RARB: variants seen among roughly 807,000 people sequenced by gnomAD.
RARB encodes the protein HBV-activated protein.
RARB carries 17 observed loss-of-function variants against 51.9 expected under a neutral mutation model. The ratio of observed to expected loss-of-function variants is 0.33; its 90% confidence interval spans 0.22 to 0.49. The LOEUF (loss-of-function observed/expected upper bound fraction) is 0.49, where lower values mean the gene tolerates loss of function less well. Ranked by LOEUF, RARB falls within the 20% of genes least tolerant of loss-of-function variation. RARB has a pLI of 0.99. For synonymous variants in RARB, 215 were observed against 195.4 expected (o/e 1.10, Z -0.84); for missense variants, 369 against 550.8 (o/e 0.67, Z 3.30).
At chr3:24,978,261 T>C (rs1249059492) in intron 2 of RARB, among the ~76,000 whole-genome samples, 1 of 152,174 alleles carries the variant, frequency 6.6e-6, no homozygotes, top group Non-Finnish European at 1.5e-5. Context: ...GGATGACGCT[T>C]GTCTTATAAA....
chr3:24,970,199 T>C (rs568865290), intron 2 of RARB, among the ~76,000 whole-genome samples: 1 of 152,108 alleles, frequency 6.6e-6, no homozygotes, highest in Non-Finnish European at 1.5e-5. Flanking sequence ...GGCCTATGGC[T>C]GTAGCTTACC....
At chr3:25,513,204 T>A (rs961815289) in intron 3 of RARB, among the ~76,000 whole-genome samples, 2 of 151,264 alleles carry the variant, frequency 1.3e-5, no homozygotes, top group African/African-American at 4.9e-5. Flanking sequence ...GGAGAATCGC[T>A]TGGACCTGGG....
rs573092323 is a variant in RARB at position 25,331,988 on chromosome 3, C to T, written c.179-129205C>T. Among the ~76,000 whole-genome samples, 5 of 152,240 alleles carry T rather than the reference C, an allele frequency of 3.3e-5. No homozygotes were observed. The South Asian group carries it at 1.0e-3, about 32-fold the overall frequency. On this transcript the variant is annotated intron_variant, in intron 5 of 11. Coordinates refer to the RARB transcript ENST00000383772. ...AGACTAAACCAGGAAGAATTTGAGT[C>T]CCTGAATAGACCAATAACAGGGTCT...
chr3:25,570,427 G>T (rs1700664233), intron 4 of RARB, among the ~76,000 whole-genome samples: 1 of 152,210 alleles, frequency 6.6e-6, no homozygotes, highest in Non-Finnish European at 1.5e-5. Flanking sequence ...TTTGCCTTCT[G>T]TGAGAGGACA....
intron 2 of RARB, among the ~76,000 whole-genome samples, chr3:25,475,404 G>A (rs189663791): frequency 2.0e-5 from 3 of 151,982 alleles, no homozygotes; most frequent in African/African-American, 4.8e-5. Context: ...ATAACAAAGG[G>A]GGGGGGATCC....
intron 5 of RARB, among the ~76,000 whole-genome samples, chr3:25,397,445 C>T (rs980116487): frequency 5.9e-5 from 9 of 152,192 alleles, no homozygotes; most frequent in African/African-American, 2.2e-4. Context: ...TGAATTCCTT[C>T]AGTTTTTCTG....
chr3:25,148,375 G>T (rs1473204243), intron 4 of RARB, among the ~76,000 whole-genome samples: 1 of 152,166 alleles, frequency 6.6e-6, no homozygotes, highest in Non-Finnish European at 1.5e-5. Context: ...TTTTTAAATG[G>T]TCTCATAAAT....
At chr3:24,860,237 C>G (rs772756524) in intron 2 of RARB, among the ~76,000 whole-genome samples, 1 of 152,104 alleles carries the variant, frequency 6.6e-6, no homozygotes, top group Non-Finnish European at 1.5e-5. Flanking sequence ...AGTCACCTGG[C>G]GCATCTTGGG....
At chr3:25,295,187 G>T (rs1184151486) in intron 5 of RARB, among the ~76,000 whole-genome samples, 5 of 152,176 alleles carry the variant, frequency 3.3e-5, no homozygotes, top group Admixed American at 2.6e-4. Flanking sequence ...CTTTGTGACT[G>T]TTGGGCATTT....
rs139448545 is a variant in RARB, at chr3:24,996,522, C to T, written c.-379-63603C>T. Among the ~76,000 whole-genome samples the T allele has an allele frequency of 3.0e-3, 449 of 151,922 alleles. 3 individuals carry two copies. Among genetic ancestry groups the T allele is most frequent in the African/African-American group, 0.01 (433 of 41,442 alleles). ...AGTTTTGCTTATCCTTGCTTTTCTA[C>T]TTCCTTGAGGTGCATCATTCGGTTG... On this transcript the variant is annotated intron_variant, in intron 2 of 11. Coordinates refer to the RARB transcript ENST00000383772.
intron 3 of RARB, among the ~76,000 whole-genome samples, chr3:25,121,554 G>A (rs1044131275): frequency 5.3e-5 from 8 of 152,244 alleles, no homozygotes; most frequent in African/African-American, 1.9e-4. Context: ...TGGACAGTGA[G>A]TTTTGGCTTA....
chr3:25,596,228 T>G (rs563335911), intron 7 of RARB, among the ~76,000 whole-genome samples, 192 bp from the exon 8 acceptor site: 1 of 152,320 alleles, frequency 6.6e-6, no homozygotes, highest in Admixed American at 6.5e-5. Context: ...TTTATCTTTC[T>G]TTGTATTTAT....
At chr3:24,912,459 A>T (rs763259220) in intron 2 of RARB, among the ~76,000 whole-genome samples, 1 of 152,204 alleles carries the variant, frequency 6.6e-6, no homozygotes, top group Non-Finnish European at 1.5e-5. Flanking sequence ...GTCCTCAAAT[A>T]TGTGAGTATC....
intron 2 of RARB, among the ~76,000 whole-genome samples, chr3:24,903,030 T>C (rs1182342125): frequency 3.9e-5 from 6 of 152,150 alleles, no homozygotes; most frequent in South Asian, 4.1e-4. Flanking sequence ...ATAACTGTTA[T>C]TGGAAAAATC....
exon 5 of RARB, chr3:25,174,516 C>A: frequency 7.4e-7 from 1 of 1,352,142 alleles, no homozygotes; most frequent in Non-Finnish European, 9.8e-7. Flanking sequence ...TCCCTGCCTC[C>A]CCTCCATGGC....
At chr3:25,083,043 T>C (rs1157757173) in intron 3 of RARB, among the ~76,000 whole-genome samples, 1 of 152,148 alleles carries the variant, frequency 6.6e-6, no homozygotes, top group Non-Finnish European at 1.5e-5. Flanking sequence ...TTATTCTTAC[T>C]GTTCCTCTGT....
rs1249804279 is a variant in RARB, at chr3:25,597,517, G to A, written c.*901G>A. On this transcript the variant is annotated 3_prime_UTR_variant, in exon 8 of 8. Transcript: ENST00000330688. ...CACAAGCCATTAGGGAAATTTCATG[G>A]GATAATTAGCAGGCTGGTCTACCAC... is the stretch of plus-strand genomic sequence containing the variant. The A allele has an allele frequency of 6.6e-6, 1 of 152,554 alleles. No individual in the cohort carries two copies. Among genetic ancestry groups the A allele is most frequent in the African/African-American group, 2.4e-5 (1 of 41,426 alleles). 9.5% of individuals were successfully genotyped at this position (152,554 alleles called of 1,614,324 possible). A position where few individuals can be genotyped will look rare whatever the true frequency, so the allele number is the denominator to read the frequency against.
chr3:25,167,618 A>G (rs1011363144), intron 4 of RARB, among the ~76,000 whole-genome samples: 1 of 152,056 alleles, frequency 6.6e-6, no homozygotes, highest in African/African-American at 2.4e-5. Flanking sequence ...AGATAAATTC[A>G]CTCCTCTACC....
intron 3 of RARB, among the ~76,000 whole-genome samples, chr3:25,567,016 G>A (rs1700522290): frequency 6.6e-6 from 1 of 152,202 alleles, no homozygotes; most frequent in Non-Finnish European, 1.5e-5. Flanking sequence ...CTAAAGGGTA[G>A]TGAGGCTGCT....
Sources: gnomAD v4.1 joint callset for allele counts (sites outside exome capture counted in the v4.1 genomes callset) on GRCh38, gnomAD v4.1.1 for gene constraint, MANE v1.5 for transcripts, NCBI Gene and HGNC (gene_info 2026-07-23, HGNC 2026-07-21) for gene names.